Variants in RNF215 observed in about 807,000 individuals in gnomAD.
RNF215 encodes the protein ring finger protein 215.
Under a neutral mutation model 44.8 loss-of-function variants are expected in RNF215, and 41 were observed. The ratio of observed to expected loss-of-function variants is 0.92; its 90% CI spans 0.71 to 1.19. The LOEUF (loss-of-function observed/expected upper bound fraction) is 1.19. Ranked by LOEUF, RNF215 falls within the 50% of genes most tolerant of loss-of-function variation. The pLI is 0.00. For synonymous variants in RNF215, 218 were observed against 230.1 expected (o/e 0.95, Z 0.48); for missense variants, 452 against 496.2 (o/e 0.91, Z 0.85).
chr22:30,386,697 C>T lies in RNF215; in HGVS notation c.348G>A (p.Val116=). ...PVEGWIAVAY[V]GKEQAAQFHQ... The stretch of plus-strand genomic sequence containing the variant: ...GGAACTGGGCCGCCTGCTCCTTGCC[C>T]ACGTATGCCACTGCAATCCAGCCTT... The change falls in exon 2 of 9, where the codon GTG becomes GTA. Residue 116 remains valine (V), a synonymous_variant. Coordinates refer to ENST00000382363, the MANE Select transcript of RNF215 (RefSeq NM_001017981.2). 6.2e-7 allele frequency: 1 copy of T among 1,612,068 alleles called. No homozygotes were observed. The highest frequency in any genetic ancestry group is 8.5e-7 in the Non-Finnish European group (1 of 1,180,000).
intron 5 of RNF215, among the ~76,000 whole-genome samples, chr22:30,382,976 C>T (rs2145984291): frequency 6.6e-6 from 1 of 152,318 alleles, no homozygotes; most frequent in East Asian, 1.9e-4. Flanking sequence ...GTGGCACGTG[C>T]CTGTAGTCCC....
intron 4 of RNF215, among the ~76,000 whole-genome samples, chr22:30,385,346 C>T (rs1335092538): frequency 6.7e-6 from 1 of 148,990 alleles, no homozygotes; most frequent in African/African-American, 2.5e-5. Context: ...GGCATGAACC[C>T]GGGAGGCAGA....
rs1320932811 is a variant in RNF215, at chr22:30,387,221, C to CGGCAGCAGG, written c.84_92dup (p.Leu30_Leu32dup). On this transcript the variant is annotated inframe_insertion, in exon 1 of 9. Transcript: ENST00000382363. ...CGGGCCCCGCCAGGCCCAGCCACAG[C>CGGCAGCAGG]GGCAGCAGGGGCAGCAGCAGCAGCA... 3 of 1,010,284 alleles carry CGGCAGCAGG rather than the reference C, an allele frequency of 3.0e-6. No homozygotes were observed. Among genetic ancestry groups the CGGCAGCAGG allele is most frequent in the Non-Finnish European group, 2.4e-6 (2 of 840,166 alleles). The allele number at this position is 1,010,284 out of a possible 1,614,324, so 62.6% of individuals were successfully genotyped here. A position where few individuals can be genotyped will look rare whatever the true frequency, so the allele number is the denominator to read the frequency against.
At chr22:30,379,930 C>G in intron 7 of RNF215, 117 bp from the exon 8 acceptor site, 12 of 1,528,080 alleles carry the variant, frequency 7.9e-6, no homozygotes, top group Non-Finnish European at 1.1e-5. Context: ...TTCCCCCACC[C>G]CCCTGAAATT....
intron 4 of RNF215, 44 bp downstream of exon 4, chr22:30,385,856 GCTCT>G: frequency 1.9e-6 from 3 of 1,561,770 alleles, no homozygotes; most frequent in Non-Finnish European, 2.6e-6. Flanking sequence ...AGAACCAGGG[GCTCT>G]CTGTACCCAG....
At chr22:30,384,708 G>T in intron 4 of RNF215, 1 of 502,226 alleles carries the variant, frequency 2.0e-6, no homozygotes, top group Non-Finnish European at 3.6e-6. Context: ...CCTTGCTGGG[G>T]CCAGTCCTCT....
In RNF215 at chr22:30,387,064, C is replaced by A; in HGVS notation, c.250G>T (p.Asp84Tyr). 1 of 1,542,732 alleles carries A rather than the reference C, an allele frequency of 6.5e-7. No homozygotes were observed. Among genetic ancestry groups the A allele is most frequent in the Non-Finnish European group, 8.7e-7 (1 of 1,150,042 alleles). The change falls in exon 1 of 9, where the codon GAC becomes TAC. Residue 84 changes from aspartate to tyrosine, a missense_variant. Physicochemically the swap from Asp to Tyr is radical, Grantham distance 160. Coordinates refer to ENST00000382363, the MANE Select transcript of RNF215 (RefSeq NM_001017981.2). Reference sequence around the variant, plus strand: ...CGACCGCCCAGCAGGGGCGCCGGGTCGGCTTCGGAGCCGATCCTGACGCCC... The same window carrying A: ...CGACCGCCCAGCAGGGGCGCCGGGTAGGCTTCGGAGCCGATCCTGACGCCC... ...LEGVRIGSEA[D>Y]PAPLLGGRLL...
chr22:30,382,143 T>C (rs1253787730), intron 5 of RNF215, among the ~76,000 whole-genome samples: 1 of 152,158 alleles, frequency 6.6e-6, no homozygotes. Flanking sequence ...GGTTCATGCC[T>C]ATAATCCCAG....
chr22:30,387,091 C>T lies in RNF215; in HGVS notation c.223G>A (p.Glu75Lys). The part of the protein sequence containing the change: ...RLPRQDALVL[E>K]GVRIGSEADP... ...GCTTCGGAGCCGATCCTGACGCCCT[C>T]CAGGACCAGAGCGTCCTGGCGCGGC... is the stretch of plus-strand genomic sequence containing the variant. Residue 75 changes from glutamate (E) to lysine (K), a missense_variant, in exon 1 of 9, where the codon GAG (glutamate) becomes AAG (lysine). Physicochemically the swap from Glu to Lys is moderately conservative, Grantham distance 56 (BLOSUM62 1). Coordinates refer to ENST00000382363, the MANE Select transcript of RNF215 (RefSeq NM_001017981.2). The T allele has an allele frequency of 6.5e-7, 1 of 1,536,490 alleles. No individual in the cohort carries two copies. Among genetic ancestry groups the T allele is most frequent in the Non-Finnish European group, 8.7e-7 (1 of 1,147,460 alleles).
At chr22:30,381,570 G>A (rs1308849222) in intron 5 of RNF215, among the ~76,000 whole-genome samples, 1 of 152,222 alleles carries the variant, frequency 6.6e-6, no homozygotes, top group Non-Finnish European at 1.5e-5. Flanking sequence ...GATGTGTTAG[G>A]ACTAACACGT....
chr22:30,384,264 T>C, intron 5 of RNF215, 75 bp downstream of exon 5: 1 of 1,473,946 alleles, frequency 6.8e-7, no homozygotes. Flanking sequence ...AGCCACAGGA[T>C]TTTCAATACA....
Position 30,378,928 on chromosome 22 carries a change from A to G in RNF215, c.*672T>C, listed in dbSNP as rs2145980454. On this transcript the variant is annotated 3_prime_UTR_variant, in exon 9 of 9. Transcript: ENST00000382363. ...AGGATGCCCCTGGATGAGGCACCACATTGATCCTGTGGCTTCGAGTATCCC... is the reference window on the plus strand; with the variant it reads ...AGGATGCCCCTGGATGAGGCACCACGTTGATCCTGTGGCTTCGAGTATCCC... The G allele has an allele frequency of 6.6e-6, 1 of 150,630 alleles. No individual in the cohort carries two copies. The highest frequency in any genetic ancestry group is 2.4e-5 in the African/African-American group (1 of 40,928). The allele number at this position is 150,630 out of a possible 1,614,324, so 9.3% of individuals were successfully genotyped here.
Position 30,379,692 on chromosome 22 carries a change from C to T in RNF215, c.1111+19G>A. ...GGAGCAGGCAGAGTAGGCCGAGGGA[C>T]CCCACCCCTGGTGCTCACCCAGGAC... On this transcript the variant is annotated intron_variant, in intron 8 of 8. Transcript: ENST00000382363. 1 of 1,553,204 alleles carries T rather than the reference C, an allele frequency of 6.4e-7. No homozygotes were observed. Among genetic ancestry groups the T allele is most frequent in the Non-Finnish European group, 8.7e-7 (1 of 1,147,898 alleles).
intron 5 of RNF215, among the ~76,000 whole-genome samples, chr22:30,382,064 A>G (rs1933536456): frequency 6.6e-6 from 1 of 152,180 alleles, no homozygotes; most frequent in East Asian, 1.9e-4. Context: ...GGGGCTGTAC[A>G]CCAGGAGACC....
intron 2 of RNF215, 51 bp from the exon 3 acceptor site, chr22:30,386,192 T>A: frequency 2.0e-6 from 3 of 1,508,244 alleles, no homozygotes; most frequent in Non-Finnish European, 2.7e-6. Context: ...CCTGCACACC[T>A]GTCTCACCAC....
chr22:30,386,721 T>G lies in RNF215; in HGVS notation c.324A>C (p.Glu108Asp). The G allele has an allele frequency of 6.2e-7, 1 of 1,610,276 alleles. No homozygotes were observed. ...IVDAEQEAPV[E>D]GWIAVAYVGK... ...CCACGTATGCCACTGCAATCCAGCC[T>G]TCCACTGGTGCCTCCTGCTCGGCAT... The change falls in exon 2 of 9, where the codon GAA (glutamate) becomes GAC (aspartate). Residue 108 changes from glutamate to aspartate, a missense_variant. Transcript: ENST00000382363.
At chr22:30,379,648 G>A (rs1184923320) in intron 8 of RNF215, 26 bp from the exon 9 acceptor site, 1 of 1,551,884 alleles carries the variant, frequency 6.4e-7, no homozygotes, top group Non-Finnish European at 8.7e-7. Context: ...AGAAGAACAG[G>A]GAGAGAGGCA....
chr22:30,386,238 A>C, intron 2 of RNF215, 97 bp from the exon 3 acceptor site: 2 of 1,183,400 alleles, frequency 1.7e-6, no homozygotes, highest in Non-Finnish European at 2.4e-6. Context: ...CTGGCCCTGC[A>C]GTGAGCAAAA....
At chr22:30,379,934 T>G (rs2145981725) in intron 7 of RNF215, 121 bp from the exon 8 acceptor site, 4 of 1,535,752 alleles carry the variant, frequency 2.6e-6, no homozygotes, top group Non-Finnish European at 3.6e-6. Context: ...CCCACCCCCC[T>G]GAAATTCTGC....
Sources: allele counts gnomAD v4.1 joint callset (sites outside exome capture counted in the v4.1 genomes callset), GRCh38; gene constraint gnomAD v4.1.1; transcripts MANE v1.5; gene names NCBI Gene and HGNC (gene_info 2026-07-23, HGNC 2026-07-21).